SUPT3H: variants seen among roughly 807,000 people sequenced by gnomAD.
SUPT3H encodes the protein SPT3 homolog, SAGA and STAGA complex component, also known as transcription initiation protein SPT3 homolog.
A neutral mutation model predicts 44.3 loss-of-function variants in SUPT3H; 44 were observed. The ratio of observed to expected loss-of-function variants is 0.99; its 90% confidence interval spans 0.78 to 1.28. The LOEUF (loss-of-function observed/expected upper bound fraction) is 1.28. Among genes scored for constraint, SUPT3H ranks in the 50% most tolerant of loss-of-function variants. The pLI is 0.00. For synonymous variants in SUPT3H, 124 were observed against 125.6 expected (o/e 0.99, Z 0.09); for missense variants, 380 against 387.1 (o/e 0.98, Z 0.15).
intron 6 of SUPT3H, among the ~76,000 whole-genome samples, chr6:44,972,531 C>G (rs2396367): frequency 0.98 from 149,148 of 152,246 alleles, 73,068 homozygotes; most frequent in Middle Eastern, 1. Context: ...TACCATTCTG[C>G]GATCTGGAGA....
chr6:44,988,584 A>G (rs1306026971), intron 6 of SUPT3H, among the ~76,000 whole-genome samples: 2 of 150,500 alleles, frequency 1.3e-5, no homozygotes, highest in African/African-American at 2.4e-5. Flanking sequence ...ATGAAAGTTT[A>G]CAACACTAAT....
Position 44,919,106 on chromosome 6 carries a change from T to C in SUPT3H, c.912+13547A>G, listed in dbSNP as rs547356405. Among the ~76,000 whole-genome samples, 18 of 152,322 alleles carry C rather than the reference T, an allele frequency of 1.2e-4. No individual in the cohort carries two copies. The South Asian group carries it at 3.7e-3, about 32-fold the overall frequency. ...AAGTGCTAACTCATCATTTCATAAA[T>C]CCTATAAAATCTGGTGTGTAAGTTA... On this transcript the variant is annotated intron_variant, in intron 10 of 10. Transcript: ENST00000371459.
Position 45,003,743 on chromosome 6 carries a change from C to A in SUPT3H, c.414G>T (p.Gln138His). The part of the protein sequence containing the change: ...NNANKRQKIA[Q>H]DFLNSIDQTG... ...TCTGGTCAATAGAGTTGAGGAAGTCCTGAGCAATCTTTTGTCTTTTGTTCG... is the reference window on the plus strand; with the variant it reads ...TCTGGTCAATAGAGTTGAGGAAGTCATGAGCAATCTTTTGTCTTTTGTTCG... Residue 138 changes from glutamine (Q) to histidine (H), a missense_variant, in exon 6 of 11, where the codon CAG becomes CAT. Coordinates refer to ENST00000371459, the MANE Select transcript of SUPT3H (RefSeq NM_003599.4). The A allele has an allele frequency of 1.2e-6, 2 of 1,613,772 alleles. No individual in the cohort carries two copies. Among genetic ancestry groups the A allele is most frequent in the Non-Finnish European group, 1.7e-6 (2 of 1,179,828 alleles).
chr6:44,830,701 A>G (rs915925070), intron 10 of SUPT3H, among the ~76,000 whole-genome samples: 3 of 152,196 alleles, frequency 2.0e-5, no homozygotes, highest in Non-Finnish European at 4.4e-5. Context: ...TTTCCCTGGC[A>G]CATTTTTAAT....
intron 9 of SUPT3H, among the ~76,000 whole-genome samples, chr6:44,952,264 A>T (rs1327910264): frequency 1.3e-5 from 2 of 152,248 alleles, no homozygotes; most frequent in Non-Finnish European, 2.9e-5. Context: ...TTGGATCCAT[A>T]GAATGGCTTC....
intron 2 of SUPT3H, among the ~76,000 whole-genome samples, chr6:45,269,129 A>T (rs1057345257): frequency 7.2e-5 from 11 of 152,206 alleles, no homozygotes; most frequent in African/African-American, 2.7e-4. Flanking sequence ...ATACTAAAAT[A>T]TGTTTCAGAG....
At chr6:45,286,538 T>C (rs918643972) in intron 2 of SUPT3H, among the ~76,000 whole-genome samples, 1 of 151,902 alleles carries the variant, frequency 6.6e-6, no homozygotes, top group African/African-American at 2.4e-5. Flanking sequence ...AAAACGACAA[T>C]GAGATACCAA....
chr6:44,911,308 T>A (rs770963962), intron 10 of SUPT3H, among the ~76,000 whole-genome samples: 2 of 151,980 alleles, frequency 1.3e-5, no homozygotes, highest in Non-Finnish European at 2.9e-5. Flanking sequence ...AAGGTCAAAT[T>A]TGGTATATAT....
intron 2 of SUPT3H, among the ~76,000 whole-genome samples, chr6:45,157,277 T>C (rs1371142680): frequency 6.6e-6 from 1 of 152,028 alleles, no homozygotes; most frequent in Non-Finnish European, 1.5e-5. Flanking sequence ...AACATTCTTT[T>C]TAAAAACAGT....
At position 45,057,162 on chromosome 6, in the gene SUPT3H, T is replaced by C. The variant is rs993349248; in HGVS notation, c.187-36530A>G. ...AAGTTCACCCTAAAAATAAAAGATA[T>C]TGATTTAAATTGTTTAAATGATTTC... On this transcript the variant is annotated intron_variant, in intron 3 of 10. Transcript: ENST00000371459. Among the ~76,000 whole-genome samples, 24 of 152,236 alleles carry C rather than the reference T, an allele frequency of 1.6e-4. No homozygotes were observed. In the South Asian group the frequency reaches 2.7e-3, roughly 17 times the overall value.
chr6:45,152,274 T>C (rs558420026), intron 2 of SUPT3H, among the ~76,000 whole-genome samples: 1 of 152,332 alleles, frequency 6.6e-6, no homozygotes, highest in East Asian at 1.9e-4. Context: ...TTTTGCTTTT[T>C]CTTGTGCACC....
intron 2 of SUPT3H, among the ~76,000 whole-genome samples, chr6:45,162,836 T>A (rs946546744): frequency 6.6e-6 from 1 of 152,148 alleles, no homozygotes; most frequent in Non-Finnish European, 1.5e-5. Context: ...TCAATGAAGA[T>A]CAAATGGGGG....
intron 2 of SUPT3H, among the ~76,000 whole-genome samples, chr6:45,259,251 C>G (rs1000637996): frequency 6.6e-6 from 1 of 151,784 alleles, no homozygotes; most frequent in South Asian, 2.1e-4. Flanking sequence ...TTAAAAAATT[C>G]TTTTCAATTG....
At chr6:45,292,813 A>G (rs1034416283) in intron 2 of SUPT3H, among the ~76,000 whole-genome samples, 25 of 147,890 alleles carry the variant, frequency 1.7e-4, no homozygotes, top group African/African-American at 6.2e-4. Context: ...TGCACCTGAC[A>G]CTGGAGTTCC....
downstream of SUPT3H, among the ~76,000 whole-genome samples, chr6:44,823,852 A>C (rs918660512): frequency 1.2e-4 from 18 of 152,008 alleles, no homozygotes; most frequent in African/African-American, 4.1e-4. Flanking sequence ...AATCCCAGCT[A>C]CTCGGGAGGC....
At chr6:45,238,318 C>A (rs970933201) in intron 2 of SUPT3H, among the ~76,000 whole-genome samples, 2 of 152,164 alleles carry the variant, frequency 1.3e-5, no homozygotes, top group African/African-American at 4.8e-5. Context: ...CAGTAACTGA[C>A]AGTACAATTG....
intron 2 of SUPT3H, among the ~76,000 whole-genome samples, chr6:45,218,528 G>A (rs1023914176): frequency 3.3e-5 from 5 of 152,144 alleles, no homozygotes; most frequent in African/African-American, 7.2e-5. Flanking sequence ...TCGGGAGTTC[G>A]AGACCAGCCT....
intron 6 of SUPT3H, among the ~76,000 whole-genome samples, chr6:44,990,966 T>C (rs1020869114): frequency 6.6e-6 from 1 of 151,966 alleles, no homozygotes; most frequent in Admixed American, 6.6e-5. Flanking sequence ...TGATTTTGGA[T>C]TTTTCTAAAG....
At chr6:45,125,095 T>C (rs969824654) in intron 2 of SUPT3H, among the ~76,000 whole-genome samples, 6 of 152,228 alleles carry the variant, frequency 3.9e-5, no homozygotes, top group East Asian at 1.9e-4. Flanking sequence ...AGACACTTGA[T>C]TGTGGATGTC....
Sources: allele counts gnomAD v4.1 joint callset (sites outside exome capture counted in the v4.1 genomes callset), GRCh38; gene constraint gnomAD v4.1.1; transcripts MANE v1.5; gene names NCBI Gene and HGNC (gene_info 2026-07-23, HGNC 2026-07-21).